Variants in NUP160 observed in about 807,000 individuals in gnomAD.
The protein encoded by NUP160 is nuclear pore complex protein Nup160.
NUP160 carries 94 observed loss-of-function variants against 196.9 expected under a neutral mutation model. That is an observed-to-expected ratio of 0.48 (90% CI 0.40 to 0.57). The LOEUF (loss-of-function observed/expected upper bound fraction) is 0.57, where lower values mean the gene tolerates loss of function less well. NUP160 is among the 20% of genes least tolerant of loss of function. The pLI is 0.00. For missense variants in NUP160, 1,638 were observed against 1,748.3 expected (o/e 0.94, Z 1.13); for synonymous variants, 605 against 619.7 (o/e 0.98, Z 0.35).
chr11:47,791,144 A>C (rs759274245), intron 29 of NUP160, among the ~76,000 whole-genome samples: 3 of 117,868 alleles, frequency 2.5e-5, no homozygotes, highest in Non-Finnish European at 4.0e-5. Flanking sequence ...CAACAGCTTC[A>C]CAAATTTTCT....
At position 47,785,081 on chromosome 11, in the gene NUP160, T is replaced by C. The variant is rs1490333909; in HGVS notation, c.3849-18A>G. On this transcript the variant is annotated intron_variant, in intron 32 of 35. Transcript: ENST00000378460. ...CTGTAGCACTTGAAAAAAACAAAAATGACTAATGAGTTTCAGATTCTTAAT... is the reference window on the plus strand; with the variant it reads ...CTGTAGCACTTGAAAAAAACAAAAACGACTAATGAGTTTCAGATTCTTAAT... 7.5e-7 allele frequency: 1 copy of C among 1,329,290 alleles called. No homozygotes were observed. The highest frequency in any genetic ancestry group is 1.0e-6 in the Non-Finnish European group (1 of 994,482). 82.3% of individuals were successfully genotyped at this position (1,329,290 alleles called of 1,614,324 possible).
At chr11:47,793,571 G>A (rs1290146294) in intron 27 of NUP160, among the ~76,000 whole-genome samples, 1 of 151,870 alleles carries the variant, frequency 6.6e-6, no homozygotes, top group Non-Finnish European at 1.5e-5. Flanking sequence ...AATGAAAAGA[G>A]GGGTCTCAAA....
rs369588568 is a variant in NUP160, at chr11:47,848,463, T to G, written c.-43A>C. The G allele has an allele frequency of 4.8e-5, 69 of 1,436,536 alleles. No individual in the cohort carries two copies. The African/African-American group carries it at 9.5e-4, about 20-fold the overall frequency. The allele number at this position is 1,436,536 out of a possible 1,614,324, so 89.0% of individuals were successfully genotyped here. A position where few individuals can be genotyped will look rare whatever the true frequency, so the allele number is the denominator to read the frequency against. ...GGCTCCGGCCCTTCGTTGCGAGGCT[T>G]CCACCGGGAGAATGAGGGTGGGCAG... On this transcript the variant is annotated 5_prime_UTR_variant, in exon 1 of 36. Transcript: ENST00000378460.
rs1024597477 is a variant in NUP160 at position 47,818,222 on chromosome 11, C to T, written c.1363-98G>A. The T allele has an allele frequency of 1.9e-5, 14 of 749,436 alleles. No homozygotes were observed. In the East Asian group the frequency reaches 2.8e-4, roughly 15 times the overall value. 46.4% of individuals were successfully genotyped at this position (749,436 alleles called of 1,614,324 possible). ...TTGAGTTTCTACTATATGAACATTG[C>T]CATTTTGCCCTTCTATATGTGGGCA... On this transcript the variant is annotated intron_variant, in intron 10 of 35. Transcript: ENST00000378460.
At chr11:47,842,686 T>C (rs904914082) in intron 2 of NUP160, among the ~76,000 whole-genome samples, 2 of 152,122 alleles carry the variant, frequency 1.3e-5, no homozygotes, top group African/African-American at 4.8e-5. Flanking sequence ...CTCACCATAA[T>C]TCTTAATGAT....
At chr11:47,814,419 A>G (rs7936734) in intron 13 of NUP160, among the ~76,000 whole-genome samples, 141,261 of 151,974 alleles carry the variant, frequency 0.93, 66,530 homozygotes, top group East Asian at 1. Flanking sequence ...GCGCGTGCCT[A>G]TAATCCCAGC....
At chr11:47,824,478 C>T (rs917064992) in intron 7 of NUP160, among the ~76,000 whole-genome samples, 2 of 151,730 alleles carry the variant, frequency 1.3e-5, no homozygotes, top group Admixed American at 1.3e-4. Flanking sequence ...GGCGCAGTGG[C>T]ACGTACCTGT....
At chr11:47,848,411 G>T (rs763343438) in exon 1 of NUP160, 1 of 1,576,298 alleles carries the variant, frequency 6.3e-7, no homozygotes, top group South Asian at 1.1e-5. Context: ...GCTGCGGACA[G>T]GTGAAGCATT....
chr11:47,812,187 G>C lies in NUP160; in HGVS notation c.2118C>G (p.Leu706=), dbSNP rs142733956. ...TATACCCTGCTGTGTTACTACCATA[G>C]AGCTGGGTAAGATTCATTCGAATAT... Residue 706 remains leucine (L), a synonymous_variant, in exon 17 of 36, where the codon CTC becomes CTG. Transcript: ENST00000378460. 23 of 1,613,996 alleles carry C rather than the reference G, an allele frequency of 1.4e-5. No homozygotes were observed. The African/African-American group carries it at 2.5e-4, about 18-fold the overall frequency.
chr11:47,796,748 G>A (rs1275427527), intron 27 of NUP160, among the ~76,000 whole-genome samples: 2 of 152,140 alleles, frequency 1.3e-5, no homozygotes, highest in Non-Finnish European at 2.9e-5. Flanking sequence ...ACAGGGTCTC[G>A]CTCTGTCACC....
chr11:47,845,856 G>C (rs1231660861), intron 2 of NUP160, among the ~76,000 whole-genome samples: 1 of 152,088 alleles, frequency 6.6e-6, no homozygotes, highest in Non-Finnish European at 1.5e-5. Context: ...AATCAGGCTG[G>C]ACACGGTGGC....
intron 34 of NUP160, among the ~76,000 whole-genome samples, chr11:47,782,073 G>T (rs1325676645): frequency 6.6e-6 from 1 of 151,764 alleles, no homozygotes; most frequent in Non-Finnish European, 1.5e-5. Flanking sequence ...TTGAGGTTAG[G>T]AGTTCCGAGA....
intron 21 of NUP160, among the ~76,000 whole-genome samples, chr11:47,803,897 C>G (rs975082883): frequency 3.3e-5 from 5 of 152,038 alleles, no homozygotes. Context: ...TAAAAAGACA[C>G]TCTAGAGGCC....
At chr11:47,787,467 T>C (rs2135345316) in intron 31 of NUP160, among the ~76,000 whole-genome samples, 1 of 151,410 alleles carries the variant, frequency 6.6e-6, no homozygotes, top group East Asian at 1.9e-4. Flanking sequence ...TCTTGCTTTG[T>C]TGCCCAGGCT....
intron 33 of NUP160, among the ~76,000 whole-genome samples, chr11:47,784,286 C>T (rs1599302802): frequency 6.6e-6 from 1 of 152,136 alleles, no homozygotes; most frequent in African/African-American, 2.4e-5. Flanking sequence ...AATTCTGATG[C>T]AGACAGTCTA....
At chr11:47,837,961 C>T (rs529361352) in intron 4 of NUP160, among the ~76,000 whole-genome samples, 1 of 152,318 alleles carries the variant, frequency 6.6e-6, no homozygotes, top group South Asian at 2.1e-4. Flanking sequence ...AGTGACATAG[C>T]AGTAAACAAA....
Position 47,821,762 on chromosome 11 carries a change from AG to A in NUP160, c.1238del (p.Ala413ValfsTer6). 6.2e-7 allele frequency: 1 copy of A among 1,614,138 alleles called. No homozygotes were observed. The highest frequency in any genetic ancestry group is 8.5e-7 in the Non-Finnish European group (1 of 1,179,988). The stretch of plus-strand genomic sequence containing the variant: ...TGTATTTCACTACTGTTTGGTTCTC[AG>A]CATCATGCCACAGGGCCCAGATATC... On this transcript the variant is annotated frameshift_variant, in exon 9 of 36. Coordinates refer to ENST00000378460, the Ensembl canonical transcript of NUP160. LOFTEE classifies it high-confidence loss of function.
rs575861036 is a variant in NUP160, at chr11:47,820,303, T to C, written c.1278-845A>G. The C allele has an allele frequency of 2.6e-5, 4 of 152,330 alleles. No homozygotes were observed. The East Asian group carries it at 7.7e-4, about 29-fold the overall frequency. The allele number at this position is 152,330 out of a possible 1,614,324, so 9.4% of individuals were successfully genotyped here. ...ATCATGGGACCAGCCAAAAATTGTTTTGTAAAATGTATTTTTAACTACCTA... is the reference window on the plus strand; with the variant it reads ...ATCATGGGACCAGCCAAAAATTGTTCTGTAAAATGTATTTTTAACTACCTA... On this transcript the variant is annotated intron_variant, in intron 9 of 35. Transcript: ENST00000378460.
intron 11 of NUP160, among the ~76,000 whole-genome samples, chr11:47,817,536 G>A (rs954205616): frequency 2.7e-5 from 4 of 150,426 alleles, no homozygotes; most frequent in African/African-American, 9.8e-5. Flanking sequence ...TAGTAGAGAC[G>A]GGGTTTCACC....
Sources: allele counts gnomAD v4.1 joint callset (sites outside exome capture counted in the v4.1 genomes callset), GRCh38; gene constraint gnomAD v4.1.1; transcripts MANE v1.5; gene names NCBI Gene and HGNC (gene_info 2026-07-23, HGNC 2026-07-21).